Variants in RGS22 observed in about 807,000 individuals in gnomAD.
RGS22 encodes regulator of G-protein signaling 22.
Under a neutral mutation model 172.9 loss-of-function variants are expected in RGS22, and 148 were observed. The observed-to-expected ratio is 0.86, with a 90% CI of 0.75 to 0.98. RGS22 has a LOEUF of 0.98. Among genes scored for constraint, RGS22 ranks in the 50% least tolerant of loss-of-function variants. RGS22 has a pLI of 0.00. For synonymous variants in RGS22, 458 were observed against 480.2 expected, an observed-to-expected ratio of 0.95 and a Z score of 0.60; for missense variants, 1,347 against 1,440.8, an observed-to-expected ratio of 0.93 and a Z score of 1.05.
chr8:100,061,435 T>C (rs1810124929), intron 9 of RGS22, among the ~76,000 whole-genome samples: 1 of 152,320 alleles, frequency 6.6e-6, no homozygotes, highest in African/African-American at 2.4e-5. Context: ...ATATCCAGCA[T>C]TTGTAAGGAA....
At chr8:100,069,348 T>G (rs918233348) in intron 6 of RGS22, among the ~76,000 whole-genome samples, 1 of 152,238 alleles carries the variant, frequency 6.6e-6, no homozygotes, top group Non-Finnish European at 1.5e-5. Flanking sequence ...GCACAAGGGC[T>G]ACATAGATGC....
intron 3 of RGS22, among the ~76,000 whole-genome samples, chr8:100,089,058 GA>G (rs1240484734): frequency 6.6e-6 from 1 of 151,948 alleles, no homozygotes; most frequent in East Asian, 1.9e-4. Flanking sequence ...GGGAGATACA[GA>G]AAAGACCTGT....
intron 23 of RGS22, among the ~76,000 whole-genome samples, chr8:99,968,792 T>C (rs937680552): frequency 1.3e-5 from 2 of 152,092 alleles, no homozygotes; most frequent in African/African-American, 4.8e-5. Context: ...TGGAACCAAG[T>C]TGGAAAACAC....
At chr8:99,998,639 T>TA (rs141868057) in intron 19 of RGS22, among the ~76,000 whole-genome samples, 3 of 151,774 alleles carry the variant, frequency 2.0e-5, no homozygotes, top group African/African-American at 4.8e-5. Context: ...CATGCTTTTT[T>TA]AAAAAAAAAT....
intron 14 of RGS22, among the ~76,000 whole-genome samples, chr8:100,019,551 T>C (rs539472458): frequency 1.3e-5 from 2 of 152,332 alleles, no homozygotes; most frequent in African/African-American, 4.8e-5. Flanking sequence ...TCAAAACCTA[T>C]GTACTGTGAG....
chr8:100,040,836 TTC>T (rs1264781066), intron 12 of RGS22, among the ~76,000 whole-genome samples: 2 of 152,138 alleles, frequency 1.3e-5, no homozygotes, highest in African/African-American at 4.8e-5. Context: ...TTAAGTAAGG[TTC>T]TCACTCTCTT....
chr8:100,098,787 T>C (rs1008320581), intron 2 of RGS22, among the ~76,000 whole-genome samples: 6 of 152,020 alleles, frequency 3.9e-5, no homozygotes, highest in Admixed American at 2.6e-4. Flanking sequence ...CCAAAAGGCT[T>C]GAGAAGGTGA....
intron 23 of RGS22, among the ~76,000 whole-genome samples, chr8:99,975,777 G>A (rs1811862413): frequency 6.6e-6 from 1 of 151,944 alleles, no homozygotes; most frequent in Non-Finnish European, 1.5e-5. Flanking sequence ...CCAACCCCTG[G>A]GCTCAAGCAG....
intron 23 of RGS22, among the ~76,000 whole-genome samples, chr8:99,967,109 G>C (rs927294806): frequency 6.6e-6 from 1 of 152,210 alleles, no homozygotes; most frequent in Non-Finnish European, 1.5e-5. Flanking sequence ...CCTCACGCAG[G>C]AAGTGCAAGG....
intron 3 of RGS22, among the ~76,000 whole-genome samples, chr8:100,087,083 G>T (rs1812220407): frequency 6.6e-6 from 1 of 152,076 alleles, no homozygotes; most frequent in Non-Finnish European, 1.5e-5. Flanking sequence ...TAAACATCAA[G>T]TCCTTTGTTT....
At chr8:100,071,559 A>T (rs1810983775) in intron 5 of RGS22, 22 bp from the exon 6 acceptor site, 1 of 1,573,352 alleles carries the variant, frequency 6.4e-7, no homozygotes, top group Admixed American at 1.9e-5. Flanking sequence ...AAATCATACA[A>T]ATTTAAAACA....
At chr8:99,981,858 G>T (rs1812587109) in intron 22 of RGS22, 79 bp downstream of exon 22, 2 of 1,356,794 alleles carry the variant, frequency 1.5e-6, no homozygotes, top group Non-Finnish European at 2.0e-6. Flanking sequence ...CACCACGCCT[G>T]GCCCAAAAGG....
intron 3 of RGS22, among the ~76,000 whole-genome samples, chr8:100,090,674 A>G (rs1420905283): frequency 6.6e-6 from 1 of 152,140 alleles, no homozygotes; most frequent in Non-Finnish European, 1.5e-5. Flanking sequence ...CTTTCTAAAC[A>G]GAAGGGATTT....
intron 2 of RGS22, among the ~76,000 whole-genome samples, chr8:100,098,727 C>T (rs1042938789): frequency 5.3e-5 from 8 of 151,932 alleles, no homozygotes; most frequent in African/African-American, 1.7e-4. Context: ...CTTCTATTCT[C>T]TTTTCTCTTC....
intron 14 of RGS22, among the ~76,000 whole-genome samples, chr8:100,033,195 C>CA (rs1337768454): frequency 6.6e-6 from 1 of 151,822 alleles, no homozygotes; most frequent in Non-Finnish European, 1.5e-5. Flanking sequence ...GACAGAGACA[C>CA]AAAAAACCCT....
chr8:100,042,285 AT>A (rs1304520651), intron 11 of RGS22, among the ~76,000 whole-genome samples: 1 of 152,102 alleles, frequency 6.6e-6, no homozygotes, highest in Non-Finnish European at 1.5e-5. Flanking sequence ...AATTAAAAAA[AT>A]TTTAATGTGT....
intron 15 of RGS22, among the ~76,000 whole-genome samples, chr8:100,007,784 A>G (rs1290737392): frequency 1.3e-5 from 2 of 150,470 alleles, no homozygotes; most frequent in African/African-American, 5.0e-5. Context: ...GGCAAAAAAA[A>G]AAGAAAAAAA....
chr8:100,094,364 G>T (rs1187497143), intron 2 of RGS22, among the ~76,000 whole-genome samples: 3 of 151,904 alleles, frequency 2.0e-5, no homozygotes, highest in Non-Finnish European at 2.9e-5. Context: ...TTTCCATATG[G>T]CTGATTACTT....
intron 4 of RGS22, 22 bp from the exon 5 acceptor site, chr8:100,072,252 G>C (rs760135536): frequency 2.1e-6 from 3 of 1,459,216 alleles, no homozygotes; most frequent in Non-Finnish European, 2.8e-6. Context: ...AAGAGAAAAA[G>C]AAAAAGAAGG....
Sources: gnomAD v4.1 joint callset for allele counts (sites outside exome capture counted in the v4.1 genomes callset) on GRCh38, gnomAD v4.1.1 for gene constraint, MANE v1.5 for transcripts, NCBI Gene and HGNC (gene_info 2026-07-23, HGNC 2026-07-21) for gene names.